MBOAT1: variants seen among roughly 807,000 people sequenced by gnomAD.
The protein encoded by MBOAT1 is membrane bound glycerophospholipid O-acyltransferase 1, also known as membrane-bound glycerophospholipid O-acyltransferase 1.
In MBOAT1, 67 loss-of-function variants were observed where a neutral mutation model predicts 64.4. The ratio of observed to expected loss-of-function variants is 1.04; its 90% confidence interval spans 0.85 to 1.27. The LOEUF is 1.27. Among genes scored for constraint, MBOAT1 ranks in the 50% most tolerant of loss-of-function variants. The pLI is 0.00. For missense variants in MBOAT1, 563 were observed against 604.6 expected, an observed-to-expected ratio of 0.93 and a Z score of 0.72; for synonymous variants, 229 against 218.9, an observed-to-expected ratio of 1.05 and a Z score of -0.41.
intron 1 of MBOAT1, among the ~76,000 whole-genome samples, chr6:20,181,314 C>A (rs777240905): frequency 3.9e-5 from 6 of 152,204 alleles, no homozygotes; most frequent in Non-Finnish European, 8.8e-5. Flanking sequence ...AAACGCCACA[C>A]CCTGGCCCAT....
chr6:20,152,310 G>A (rs370858048), intron 2 of MBOAT1, among the ~76,000 whole-genome samples: 3 of 149,126 alleles, frequency 2.0e-5, no homozygotes, highest in Non-Finnish European at 4.4e-5. Flanking sequence ...CTGGGCGACA[G>A]AGCGAGACTC....
chr6:20,175,723 CG>C (rs1561776476), intron 1 of MBOAT1, among the ~76,000 whole-genome samples: 2 of 151,604 alleles, frequency 1.3e-5, no homozygotes, highest in African/African-American at 2.4e-5. Context: ...CCACTCGCCT[CG>C]GCCTCCCAAA....
At chr6:20,207,622 T>C (rs553054804) in intron 1 of MBOAT1, among the ~76,000 whole-genome samples, 1 of 152,290 alleles carries the variant, frequency 6.6e-6, no homozygotes, top group South Asian at 2.1e-4. Flanking sequence ...TTCCATGAAA[T>C]TTAGATGTCA....
chr6:20,195,609 G>C (rs1237104882), intron 1 of MBOAT1, among the ~76,000 whole-genome samples: 2 of 48,882 alleles, frequency 4.1e-5, no homozygotes, highest in Non-Finnish European at 1.5e-4. Context: ...AATTGCCTGT[G>C]TGTGTGTGTG....
chr6:20,104,312 TA>T (rs987465606), intron 12 of MBOAT1, among the ~76,000 whole-genome samples: 2 of 152,228 alleles, frequency 1.3e-5, no homozygotes, highest in African/African-American at 4.8e-5. Flanking sequence ...ACAATGCAAC[TA>T]ACACTTTAAC....
At chr6:20,129,994 A>C (rs992074949) in intron 5 of MBOAT1, among the ~76,000 whole-genome samples, 1 of 152,240 alleles carries the variant, frequency 6.6e-6, no homozygotes, top group African/African-American at 2.4e-5. Flanking sequence ...TAAATCACCA[A>C]GTATGAACTA....
intron 11 of MBOAT1, among the ~76,000 whole-genome samples, chr6:20,111,804 T>A (rs914213968): frequency 1.4e-4 from 7 of 51,010 alleles, no homozygotes; most frequent in Admixed American, 3.8e-4. Context: ...TCCACTTTGT[T>A]CATATATATA....
At chr6:20,125,688 T>C (rs1213858403) in intron 7 of MBOAT1, among the ~76,000 whole-genome samples, 1 of 152,236 alleles carries the variant, frequency 6.6e-6, no homozygotes, top group Non-Finnish European at 1.5e-5. Context: ...GTAAAGCAGA[T>C]GAACTTGAGA....
At chr6:20,180,463 A>T (rs1304847752) in intron 1 of MBOAT1, among the ~76,000 whole-genome samples, 2 of 151,934 alleles carry the variant, frequency 1.3e-5, no homozygotes, top group African/African-American at 4.8e-5. Flanking sequence ...CCATCTCCTG[A>T]GGGCCTACCC....
In MBOAT1 at chr6:20,128,894, T is replaced by G; in HGVS notation, c.476-141A>C. 3 of 617,524 alleles carry G rather than the reference T, an allele frequency of 4.9e-6. No individual in the cohort carries two copies. The South Asian group carries it at 6.3e-5, about 13-fold the overall frequency. 38.3% of individuals were successfully genotyped at this position (617,524 alleles called of 1,614,324 possible). On this transcript the variant is annotated intron_variant, in intron 5 of 12. Transcript: ENST00000324607. ...CATAAAGAGTTCCTGTTTTTCATTT[T>G]TTTTTAATGCCCTGGACCAAAAGAG...
At chr6:20,111,870 A>ATATATATACG (rs1561746387) in intron 11 of MBOAT1, among the ~76,000 whole-genome samples, 7 of 117,086 alleles carry the variant, frequency 6.0e-5, no homozygotes, top group African/African-American at 2.4e-4. Flanking sequence ...ATATATATAC[A>ATATATATACG]TATATATATG....
At chr6:20,155,136 GA>G (rs1761638953) in intron 1 of MBOAT1, among the ~76,000 whole-genome samples, 1 of 152,208 alleles carries the variant, frequency 6.6e-6, no homozygotes, top group Non-Finnish European at 1.5e-5. Flanking sequence ...TTGGAGGATG[GA>G]TCGTGGTTCT....
chr6:20,124,582 A>G lies in MBOAT1; in HGVS notation c.733T>C (p.Leu245=), dbSNP rs1760596935. Residue 245 remains leucine, a synonymous_variant, in exon 8 of 13, where the codon TTG becomes CTG. Transcript: ENST00000324607. ...AGGAGAGACACCAAGGTGATGCCCAACTTGTGTATCACAGCTCCCTGAAAA... is the reference window on the plus strand; with the variant it reads ...AGGAGAGACACCAAGGTGATGCCCAGCTTGTGTATCACAGCTCCCTGAAAA... ...PSPTGAVIHK[L]GITLVSLLLF... The G allele has an allele frequency of 1.9e-6, 3 of 1,614,158 alleles. No homozygotes were observed. Among genetic ancestry groups the G allele is most frequent in the Non-Finnish European group, 2.5e-6 (3 of 1,180,000 alleles).
intron 12 of MBOAT1, among the ~76,000 whole-genome samples, chr6:20,104,896 G>C (rs762952949): frequency 5.9e-5 from 9 of 152,174 alleles, no homozygotes; most frequent in Admixed American, 1.3e-4. Context: ...CAATAAACTG[G>C]ATCTACAAAA....
chr6:20,201,773 G>A (rs1390431678), intron 1 of MBOAT1, among the ~76,000 whole-genome samples: 1 of 151,796 alleles, frequency 6.6e-6, no homozygotes, highest in African/African-American at 2.4e-5. Flanking sequence ...TAGAGATGGG[G>A]GTTTCACCAT....
chr6:20,201,741 C>A lies in MBOAT1; in HGVS notation c.99+10395G>T, dbSNP rs190524472. ...GACTACAGGCATGCATCACCACACCCGGCTAATTTTTGTATTTTTAGTAGA... is the reference window on the plus strand; with the variant it reads ...GACTACAGGCATGCATCACCACACCAGGCTAATTTTTGTATTTTTAGTAGA... On this transcript the variant is annotated intron_variant, in intron 1 of 12. Coordinates refer to ENST00000324607, the MANE Select transcript of MBOAT1 (RefSeq NM_001080480.3). Among the ~76,000 whole-genome samples, 99 of 151,888 alleles carry A rather than the reference C, an allele frequency of 6.5e-4. No homozygotes were observed. In the East Asian group the frequency reaches 0.017, roughly 26 times the overall value.
chr6:20,199,837 G>A (rs7744786), intron 1 of MBOAT1, among the ~76,000 whole-genome samples: 2 of 151,990 alleles, frequency 1.3e-5, no homozygotes, highest in Admixed American at 6.6e-5. Flanking sequence ...GTGTGGTGGC[G>A]GGCACCTATA....
chr6:20,192,995 C>CTCTTTTTTTTT (rs1762846282), intron 1 of MBOAT1, among the ~76,000 whole-genome samples: 1 of 55,048 alleles, frequency 1.8e-5, no homozygotes, highest in African/African-American at 6.3e-5. Flanking sequence ...GCTATAATTT[C>CTCTTTTTTTTT]TTTTTTTTTT....
intron 4 of MBOAT1, among the ~76,000 whole-genome samples, chr6:20,141,364 T>TC (rs1554118069): frequency 0.011 from 1,057 of 94,968 alleles, 7 homozygotes; most frequent in African/African-American, 0.04. Context: ...TTTTTCTTTT[T>TC]TTTTTTTTTT....
Sources: allele counts gnomAD v4.1 joint callset (sites outside exome capture counted in the v4.1 genomes callset), GRCh38; gene constraint gnomAD v4.1.1; transcripts MANE v1.5; gene names NCBI Gene and HGNC (gene_info 2026-07-23, HGNC 2026-07-21).